The following KIFC3 variants were observed in gnomAD, a reference collection of about 807,000 sequenced individuals.
KIFC3 encodes kinesin family member C3, also known as kinesin-like protein KIFC3.
Under a neutral mutation model 101.8 loss-of-function variants are expected in KIFC3, and 60 were observed. The observed-to-expected ratio is 0.59, with a 90% CI of 0.48 to 0.73. KIFC3 has a LOEUF of 0.73. Among genes scored for constraint, KIFC3 ranks in the 30% least tolerant of loss-of-function variants. The probability of loss-of-function intolerance (pLI) is 0.00; values close to 1 mark genes in which losing one functional copy is unlikely to be tolerated. For missense variants in KIFC3, 966 were observed against 1,137.1 expected, an observed-to-expected ratio of 0.85 and a Z score of 2.16; for synonymous variants, 476 against 482.7, an observed-to-expected ratio of 0.99 and a Z score of 0.18.
chr16:57,805,073 C>T (rs1184284064), upstream of KIFC3, among the ~76,000 whole-genome samples: 1 of 152,052 alleles, frequency 6.6e-6, no homozygotes, highest in Non-Finnish European at 1.5e-5. Context: ...TCAAGTGATC[C>T]CCCTGCCTCG....
At chr16:57,827,800 G>A (rs2055490866) in intron 1 of KIFC3, among the ~76,000 whole-genome samples, 1 of 152,212 alleles carries the variant, frequency 6.6e-6, no homozygotes, top group African/African-American at 2.4e-5. Flanking sequence ...GCCAGTTCTA[G>A]AAGGTTCCAT....
chr16:57,765,802 C>A (rs1555602473), intron 10 of KIFC3, 162 bp from the exon 11 acceptor site: 3 of 623,278 alleles, frequency 4.8e-6, no homozygotes, highest in Non-Finnish European at 8.4e-6. Context: ...ATCCGTCATT[C>A]ACACTATAGT....
intron 1 of KIFC3, among the ~76,000 whole-genome samples, chr16:57,848,553 A>G (rs2055986413): frequency 6.6e-6 from 1 of 152,226 alleles, no homozygotes; most frequent in South Asian, 2.1e-4. Context: ...CCTTGAGCCC[A>G]TGAATTTGAG....
intron 4 of KIFC3, 40 bp from the exon 5 acceptor site, chr16:57,771,726 G>T: frequency 6.3e-7 from 1 of 1,585,304 alleles, no homozygotes. Flanking sequence ...TGTGGCGAGG[G>T]CAGATGACGG....
intron 10 of KIFC3, among the ~76,000 whole-genome samples, chr16:57,766,128 G>A (rs906110819): frequency 3.3e-5 from 5 of 152,202 alleles, no homozygotes; most frequent in African/African-American, 1.2e-4. Context: ...GGCAGCCACA[G>A]GGGTATCTGG....
At chr16:57,782,610 C>T (rs1284037229) in intron 3 of KIFC3, among the ~76,000 whole-genome samples, 1 of 152,184 alleles carries the variant, frequency 6.6e-6, no homozygotes, top group Non-Finnish European at 1.5e-5. Flanking sequence ...GCTTCAGATA[C>T]ATCCCCTGAG....
At chr16:57,857,622 C>T (rs2056199587) in intron 1 of KIFC3, among the ~76,000 whole-genome samples, 1 of 151,848 alleles carries the variant, frequency 6.6e-6, no homozygotes, top group Admixed American at 6.6e-5. Context: ...GTTCAACTCC[C>T]ACTTATGAGT....
chr16:57,774,823 G>T, intron 3 of KIFC3: 1 of 1,259,360 alleles, frequency 7.9e-7, no homozygotes, highest in South Asian at 1.9e-5. Context: ...CCCTGCGCCC[G>T]GCCAGTAATT....
chr16:57,782,264 C>G (rs542798342), intron 3 of KIFC3: 5 of 544,520 alleles, frequency 9.2e-6, no homozygotes, highest in Middle Eastern at 9.5e-4. Context: ...AGTGAAGGCT[C>G]AGAGAGGAAG....
intron 1 of KIFC3, among the ~76,000 whole-genome samples, chr16:57,826,107 G>A (rs539867335): frequency 4.7e-4 from 71 of 152,320 alleles, no homozygotes; most frequent in African/African-American, 1.6e-3. Context: ...GGGAATCATT[G>A]CCACCAGTGG....
At chr16:57,775,789 T>C in intron 3 of KIFC3, 2 of 985,612 alleles carry the variant, frequency 2.0e-6, no homozygotes, top group Non-Finnish European at 2.4e-6. Context: ...GACTCCCCAC[T>C]AGGCGGCTGA....
At chr16:57,788,602 C>G (rs1162349892) in intron 3 of KIFC3, 13 of 1,289,086 alleles carry the variant, frequency 1.0e-5, no homozygotes, top group African/African-American at 6.1e-5. Flanking sequence ...ATGGTGCCAC[C>G]AGCTTCCCGG....
intron 11 of KIFC3, among the ~76,000 whole-genome samples, chr16:57,764,626 A>G (rs1363497532): frequency 6.6e-6 from 1 of 152,252 alleles, no homozygotes; most frequent in Admixed American, 6.5e-5. Context: ...TGAGAACAGG[A>G]GGGCACAGGC....
chr16:57,758,784 A>G lies in KIFC3; in HGVS notation c.*150T>C, dbSNP rs577860295. The G allele has an allele frequency of 2.0e-5, 24 of 1,229,860 alleles. No homozygotes were observed. In the African/African-American group the frequency reaches 3.1e-4, roughly 16 times the overall value. 76.2% of individuals were successfully genotyped at this position (1,229,860 alleles called of 1,614,324 possible). A position where few individuals can be genotyped will look rare whatever the true frequency, so the allele number is the denominator to read the frequency against. ...CATCTTTGAGGGGAGACGGGGCAGA[A>G]GAAGAGCCTCCACTCTCGCCTCTAC... On this transcript the variant is annotated 3_prime_UTR_variant, in exon 20 of 20. Transcript: ENST00000445690.
At chr16:57,814,385 T>A (rs1472176899) in intron 1 of KIFC3, among the ~76,000 whole-genome samples, 1 of 152,150 alleles carries the variant, frequency 6.6e-6, no homozygotes, top group African/African-American at 2.4e-5. Context: ...CTACATTAGA[T>A]TGGAGGTCCC....
At chr16:57,785,480 G>T (rs956505144) in intron 3 of KIFC3, 3 of 1,287,048 alleles carry the variant, frequency 2.3e-6, no homozygotes, top group African/African-American at 1.5e-5. Flanking sequence ...CTGCAGCTGG[G>T]TGGACGTGGC....
chr16:57,776,347 GT>G, intron 3 of KIFC3: 1 of 985,580 alleles, frequency 1.0e-6, no homozygotes, highest in Middle Eastern at 5.2e-4. Flanking sequence ...AGGCCTATCT[GT>G]CCCCTGTCCA....
At chr16:57,859,994 C>A (rs1351276598) in intron 1 of KIFC3, among the ~76,000 whole-genome samples, 2 of 135,690 alleles carry the variant, frequency 1.5e-5, no homozygotes, top group Admixed American at 7.5e-5. Flanking sequence ...TGCACTCCAG[C>A]CTGGGCAACA....
chr16:57,847,039 G>T (rs998173757), intron 1 of KIFC3, among the ~76,000 whole-genome samples: 32 of 151,660 alleles, frequency 2.1e-4, no homozygotes, highest in Non-Finnish European at 1.6e-4. Flanking sequence ...GCAAAAATTA[G>T]CCACGTGTGC....
Sources: gnomAD v4.1 joint callset for allele counts (sites outside exome capture counted in the v4.1 genomes callset) on GRCh38, gnomAD v4.1.1 for gene constraint, MANE v1.5 for transcripts, NCBI Gene and HGNC (gene_info 2026-07-23, HGNC 2026-07-21) for gene names.